Variants in CPN2 observed in about 807,000 individuals in gnomAD.
CPN2 encodes the protein carboxypeptidase N subunit 2.
For synonymous variants in CPN2, 336 were observed against 318.4 expected, an observed-to-expected ratio of 1.06 and a Z score of -0.59; for missense variants, 620 against 671.4, an observed-to-expected ratio of 0.92 and a Z score of 0.85.
chr3:194,347,817 C>A (rs1182636191), intron 1 of CPN2, among the ~76,000 whole-genome samples: 1 of 49,034 alleles, frequency 2.0e-5, no homozygotes, highest in Non-Finnish European at 4.1e-5. Context: ...TTCAGCCCAC[C>A]CCATCCTCTG....
intron 1 of CPN2, among the ~76,000 whole-genome samples, chr3:194,348,424 A>G (rs915200753): frequency 6.6e-6 from 1 of 152,160 alleles, no homozygotes; most frequent in Non-Finnish European, 1.5e-5. Flanking sequence ...GATAACAATA[A>G]TCATCATAAT....
At chr3:194,351,146 T>A (rs1182622048) in intron 1 of CPN2, 96 bp downstream of exon 1, 1 of 152,288 alleles carries the variant, frequency 6.6e-6, no homozygotes. Flanking sequence ...TGCCTGGAGC[T>A]GCGGAATGCT....
intron 1 of CPN2, among the ~76,000 whole-genome samples, chr3:194,350,012 G>C (rs1207872544): frequency 1.3e-5 from 2 of 151,932 alleles, no homozygotes; most frequent in Non-Finnish European, 2.9e-5. Flanking sequence ...GTGTTGGCCA[G>C]GCTGGTCTCG....
chr3:194,349,777 T>C (rs9288749), intron 1 of CPN2, among the ~76,000 whole-genome samples: 29,377 of 112,288 alleles, frequency 0.26, 4,292 homozygotes, highest in Non-Finnish European at 0.32. Context: ...ACTACCCTCT[T>C]CTTTTTTTTT....
rs186606263 is a variant in CPN2 at position 194,341,618 on chromosome 3, T to C, written c.1085A>G (p.Lys362Arg). Residue 362 changes from lysine (K) to arginine (R), a missense_variant, in exon 2 of 2, where the codon AAG becomes AGG. Transcript: ENST00000323830. ...LHPALFQNLS[K>R]LELLSLSKNQ... ...CTTGGAGAGGCTGAGCAGCTCCAGC[T>C]TGGACAGGTTCTGGAAGAGGGCTGG... 1 of 1,614,166 alleles carries C rather than the reference T, an allele frequency of 6.2e-7. No individual in the cohort carries two copies. Among genetic ancestry groups the C allele is most frequent in the Non-Finnish European group, 8.5e-7 (1 of 1,180,026 alleles).
Position 194,341,056 on chromosome 3 carries a change from G to A in CPN2, c.*9C>T. ...AGGCCCCCTTCCCCAGCTCCTGTAT[G>A]CGCTGCTACTAGGGCCCTGCTGCCC... On this transcript the variant is annotated 3_prime_UTR_variant, in exon 2 of 2. Coordinates refer to ENST00000323830, the MANE Select transcript of CPN2 (RefSeq NM_001080513.4). 6.3e-7 allele frequency: 1 copy of A among 1,585,700 alleles called. No homozygotes were observed. The highest frequency in any genetic ancestry group is 8.6e-7 in the Non-Finnish European group (1 of 1,163,060).
chr3:194,341,228 A>G lies in CPN2; in HGVS notation c.1475T>C (p.Leu492Pro), dbSNP rs761174001. The G allele has an allele frequency of 1.2e-6, 2 of 1,613,588 alleles. No individual in the cohort carries two copies. Among genetic ancestry groups the G allele is most frequent in the Admixed American group, 3.3e-5 (2 of 60,032 alleles). ...GCGACACTGGGCCTGGTCACAGGCG[A>G]GCACCACGGTGCCCTCGGGGTTGCT... ...TYSNPEGTVVLACDQAQCRWL... is the reference protein window; with the variant it reads ...TYSNPEGTVVPACDQAQCRWL... Residue 492 changes from leucine to proline, a missense_variant, in exon 2 of 2, where the codon CTC becomes CCC. Transcript: ENST00000323830.
chr3:194,342,036 A>G lies in CPN2; in HGVS notation c.667T>C (p.Phe223Leu), dbSNP rs753796030. 3.3e-5 allele frequency: 53 copies of G among 1,614,070 alleles called. No individual in the cohort carries two copies. The highest frequency in any genetic ancestry group is 4.3e-5 in the Non-Finnish European group (51 of 1,180,036). The change falls in exon 2 of 2, where the codon TTC becomes CTC. Residue 223 changes from phenylalanine to leucine, a missense_variant. Coordinates refer to ENST00000323830, the MANE Select transcript of CPN2 (RefSeq NM_001080513.4). Reference protein sequence around the residue: ...FGKLGSLQELFLDSNNISELP... With the variant: ...FGKLGSLQELLLDSNNISELP... ...TCCGAGATGTTGTTGCTGTCCAGGA[A>G]GAGCTCCTGCAGGCTGCCCAGTTTG...
intron 1 of CPN2, among the ~76,000 whole-genome samples, chr3:194,349,584 C>A (rs1029294395): frequency 6.6e-6 from 1 of 152,096 alleles, no homozygotes; most frequent in Non-Finnish European, 1.5e-5. Context: ...TCTTTCCTTC[C>A]TGGCAGTGAT....
Position 194,340,916 on chromosome 3 carries a change from A to T in CPN2, c.*149T>A. On this transcript the variant is annotated 3_prime_UTR_variant, in exon 2 of 2. Transcript: ENST00000323830. ...GAGGAGACCCTGGTTAGTGGAGCAG[A>T]CCAGACTCCACCCCCTCACCTTGGG... 8.0e-7 allele frequency: 1 copy of T among 1,254,248 alleles called. No individual in the cohort carries two copies. The highest frequency in any genetic ancestry group is 1.6e-5 in the South Asian group (1 of 61,812). 77.7% of individuals were successfully genotyped at this position (1,254,248 alleles called of 1,614,324 possible).
Position 194,341,639 on chromosome 3 carries a change from G to T in CPN2, c.1064C>A (p.Ala355Asp), listed in dbSNP as rs143546741. ...CAGCTTGGACAGGTTCTGGAAGAGG[G>T]CTGGGTGCAGCGCCGTAAGGTTGTT... is the stretch of plus-strand genomic sequence containing the variant. ...GSNNLTALHP[A>D]LFQNLSKLEL... The change falls in exon 2 of 2, where the codon GCC (alanine) becomes GAC (aspartate). Residue 355 changes from alanine to aspartate, a missense_variant. Ala to Asp is a moderately radical substitution (Grantham distance 126). Transcript: ENST00000323830. 4 of 1,614,064 alleles carry T rather than the reference G, an allele frequency of 2.5e-6. No homozygotes were observed. In the African/African-American group the frequency reaches 5.3e-5, roughly 22 times the overall value.
In CPN2 at chr3:194,342,483, T is replaced by C; in HGVS notation, c.220A>G (p.Asn74Asp). 1.2e-6 allele frequency: 2 copies of C among 1,614,150 alleles called. No individual in the cohort carries two copies. The highest frequency in any genetic ancestry group is 2.7e-5 in the African/African-American group (2 of 75,048). Residue 74 changes from asparagine to aspartate, a missense_variant, in exon 2 of 2, where the codon AAC becomes GAC. Transcript: ENST00000323830. ...TTGAGGAAGACCACCTTGGTCAAGT[T>C]GGGGTTACTGCCAAAAGCTCTGGTT... ...LETRAFGSNP[N>D]LTKVVFLNTQ...
At chr3:194,349,778 C>CTTTTTTTTTTTTTTTTTT (rs757478492) in intron 1 of CPN2, among the ~76,000 whole-genome samples, 1 of 65,538 alleles carries the variant, frequency 1.5e-5, no homozygotes, top group Non-Finnish European at 2.8e-5. Flanking sequence ...CTACCCTCTT[C>CTTTTTTTTTTTTTTTTTT]TTTTTTTTTT....
chr3:194,347,412 G>A (rs562019049), intron 1 of CPN2, among the ~76,000 whole-genome samples: 22 of 152,182 alleles, frequency 1.4e-4, no homozygotes, highest in African/African-American at 4.3e-4. Flanking sequence ...GCCACCCGAC[G>A]CTGGCTCCAT....
chr3:194,343,991 A>G (rs1712959560), intron 1 of CPN2, among the ~76,000 whole-genome samples: 1 of 152,232 alleles, frequency 6.6e-6, no homozygotes, highest in South Asian at 2.1e-4. Flanking sequence ...CTTTCACAAC[A>G]TAATCCTAAT....
At chr3:194,344,902 T>C (rs1051026979) in intron 1 of CPN2, among the ~76,000 whole-genome samples, 14 of 151,918 alleles carry the variant, frequency 9.2e-5, no homozygotes, top group Non-Finnish European at 1.8e-4. Context: ...TGGGCCTGGC[T>C]GAAGAGGCAT....
At chr3:194,345,873 A>T (rs978979670) in intron 1 of CPN2, among the ~76,000 whole-genome samples, 1 of 152,238 alleles carries the variant, frequency 6.6e-6, no homozygotes, top group Non-Finnish European at 1.5e-5. Flanking sequence ...CTAACTTTTC[A>T]TCCGTTGTCT....
At chr3:194,344,911 A>T (rs6800669) in intron 1 of CPN2, among the ~76,000 whole-genome samples, 1 of 151,764 alleles carries the variant, frequency 6.6e-6, no homozygotes, top group Non-Finnish European at 1.5e-5. Context: ...CTGAAGAGGC[A>T]TGGGGTAGCC....
Position 194,341,335 on chromosome 3 carries a change from G to A in CPN2, c.1368C>T (p.Val456=), listed in dbSNP as rs1240654035. Residue 456 remains valine (V), a synonymous_variant, in exon 2 of 2, where the codon GTC becomes GTT. Coordinates refer to ENST00000323830, the MANE Select transcript of CPN2 (RefSeq NM_001080513.4). ...CTGCCTTGCTTTCGTCCGGCCACGTGACCTGGAAGCCCAAGTGGTCCCGGG... is the reference window on the plus strand; with the variant it reads ...CTGCCTTGCTTTCGTCCGGCCACGTAACCTGGAAGCCCAAGTGGTCCCGGG... The part of the protein sequence containing the change: ...PVTRDHLGFQ[V]TWPDESKAGG... The A allele has an allele frequency of 6.2e-7, 1 of 1,613,866 alleles. No individual in the cohort carries two copies. The highest frequency in any genetic ancestry group is 8.5e-7 in the Non-Finnish European group (1 of 1,180,034).
Sources: allele counts gnomAD v4.1 joint callset (sites outside exome capture counted in the v4.1 genomes callset), GRCh38; gene constraint gnomAD v4.1.1; transcripts MANE v1.5; gene names NCBI Gene and HGNC (gene_info 2026-07-23, HGNC 2026-07-21).